PPP6R3: variants seen among roughly 807,000 people sequenced by gnomAD.
The protein encoded by PPP6R3 is protein phosphatase 6 regulatory subunit 3, also known as serine/threonine-protein phosphatase 6 regulatory subunit 3.
A neutral mutation model predicts 110.7 loss-of-function variants in PPP6R3; 38 were observed. The ratio of observed to expected loss-of-function variants is 0.34; its 90% CI spans 0.26 to 0.45. The LOEUF is 0.45. Among genes scored for constraint, PPP6R3 ranks in the 20% least tolerant of loss-of-function variants. PPP6R3 has a pLI of 1.00. For synonymous variants in PPP6R3, 369 were observed against 373.5 expected, an observed-to-expected ratio of 0.99 and a Z score of 0.14; for missense variants, 870 against 1,062.4, an observed-to-expected ratio of 0.82 and a Z score of 2.52.
chr11:68,539,940 C>A (rs2099302313), intron 3 of PPP6R3, among the ~76,000 whole-genome samples: 1 of 152,170 alleles, frequency 6.6e-6, no homozygotes, highest in African/African-American at 2.4e-5. Context: ...CCAGGAACAT[C>A]CAGGCAGGGG....
intron 1 of PPP6R3, among the ~76,000 whole-genome samples, chr11:68,489,265 C>T (rs935637816): frequency 5.9e-5 from 9 of 152,108 alleles, no homozygotes; most frequent in Middle Eastern, 3.4e-3. Flanking sequence ...ATGATCCGCC[C>T]GCCTCGGCCT....
Position 68,493,607 on chromosome 11 carries a change from A to C in PPP6R3, c.-157-25894A>C, listed in dbSNP as rs1194063269. 6.8e-5 allele frequency among the ~76,000 whole-genome samples: 8 copies of C among 117,048 alleles called. No individual in the cohort carries two copies. In the East Asian group the frequency reaches 1.3e-3, roughly 19 times the overall value. The allele number at this position is 117,048 out of a possible 152,430, so 76.8% of individuals were successfully genotyped here. On this transcript the variant is annotated intron_variant, in intron 1 of 23. Transcript: ENST00000393800. ...CCATCATGCTTGGGGTAAAAAAAAA[A>C]AACAAAACCATATATATATATATAT...
chr11:68,462,121 G>A (rs2098712458), intron 1 of PPP6R3, among the ~76,000 whole-genome samples: 1 of 152,208 alleles, frequency 6.6e-6, no homozygotes, highest in South Asian at 2.1e-4. Flanking sequence ...AACAGCTAGA[G>A]CTGTGCCTGG....
Position 68,614,347 on chromosome 11 carries a change from G to T in PPP6R3, c.*1230G>T. 8.6e-7 allele frequency: 1 copy of T among 1,166,178 alleles called. No individual in the cohort carries two copies. Among genetic ancestry groups the T allele is most frequent in the Non-Finnish European group, 1.1e-6 (1 of 941,014 alleles). 72.2% of individuals were successfully genotyped at this position (1,166,178 alleles called of 1,614,324 possible). A position where few individuals can be genotyped will look rare whatever the true frequency, so the allele number is the denominator to read the frequency against. ...TCTCAAACAGCTCAAGCAATATATT[G>T]TATATTGCCATATCGTCTGGTGAAA... On this transcript the variant is annotated 3_prime_UTR_variant, in exon 24 of 24. Transcript: ENST00000393800.
At chr11:68,505,480 ATTGTT>A (rs2099071078) in intron 1 of PPP6R3, among the ~76,000 whole-genome samples, 1 of 152,032 alleles carries the variant, frequency 6.6e-6, no homozygotes, top group Non-Finnish European at 1.5e-5. Context: ...AAATTGAATT[ATTGTT>A]TTTTATTTAT....
At chr11:68,540,300 C>T (rs529924511) in intron 3 of PPP6R3, among the ~76,000 whole-genome samples, 2 of 152,068 alleles carry the variant, frequency 1.3e-5, no homozygotes, top group Admixed American at 6.6e-5. Flanking sequence ...AAAAGCTGGG[C>T]GTCCGGGGGA....
At chr11:68,597,785 C>G (rs1158868843) in intron 19 of PPP6R3, among the ~76,000 whole-genome samples, 1 of 149,280 alleles carries the variant, frequency 6.7e-6, no homozygotes, top group Non-Finnish European at 1.5e-5. Flanking sequence ...TCGAGACCAC[C>G]CTGGCCAACA....
At chr11:68,605,310 C>G (rs1406229864) in intron 22 of PPP6R3, among the ~76,000 whole-genome samples, 1 of 152,134 alleles carries the variant, frequency 6.6e-6, no homozygotes, top group Non-Finnish European at 1.5e-5. Context: ...GAGACCCTGT[C>G]TCAAACAAAA....
chr11:68,589,166 A>G (rs1216041567), intron 16 of PPP6R3, among the ~76,000 whole-genome samples: 1 of 152,016 alleles, frequency 6.6e-6, no homozygotes, highest in East Asian at 1.9e-4. Flanking sequence ...CCAGGATTGC[A>G]CCACTGCACT....
intron 9 of PPP6R3, among the ~76,000 whole-genome samples, chr11:68,566,123 AG>A (rs1313822082): frequency 6.6e-6 from 1 of 152,184 alleles, no homozygotes; most frequent in Non-Finnish European, 1.5e-5. Flanking sequence ...ATCACATTTC[AG>A]GTTTGTGATC....
intron 1 of PPP6R3, among the ~76,000 whole-genome samples, chr11:68,470,199 A>G (rs2098780522): frequency 6.6e-6 from 1 of 152,224 alleles, no homozygotes; most frequent in Admixed American, 6.5e-5. Context: ...GCCATATGGT[A>G]ATACAAACAG....
chr11:68,508,993 A>G (rs1481302820), intron 1 of PPP6R3, among the ~76,000 whole-genome samples: 60 of 152,208 alleles, frequency 3.9e-4, no homozygotes, highest in Admixed American at 3.9e-3. Context: ...AGAATAGTCT[A>G]ATGCTGTCAA....
rs1944735251 is a variant in PPP6R3 at position 68,614,205 on chromosome 11, T to C, written c.*1088T>C. ...CTGTACCTTGTGAGGTTTTCACTCA[T>C]AAATTTAAACCAGTGTATTTTTTTA... On this transcript the variant is annotated 3_prime_UTR_variant, in exon 24 of 24. Coordinates refer to ENST00000393800, the MANE Select transcript of PPP6R3 (RefSeq NM_001164161.2). 3.0e-6 allele frequency: 3 copies of C among 988,402 alleles called. No individual in the cohort carries two copies. Among genetic ancestry groups the C allele is most frequent in the African/African-American group, 3.5e-5 (2 of 57,188 alleles). The allele number at this position is 988,402 out of a possible 1,614,324, so 61.2% of individuals were successfully genotyped here.
chr11:68,574,240 A>G lies in PPP6R3; in HGVS notation c.1459+16A>G. 1.3e-6 allele frequency: 2 copies of G among 1,595,580 alleles called. No individual in the cohort carries two copies. Among genetic ancestry groups the G allele is most frequent in the African/African-American group, 1.3e-5 (1 of 74,630 alleles). ...CTTATCAAAGGTAAGTTATTTGTGA[A>G]ATTTGAATTACATTTTTGTTGGGTT... On this transcript the variant is annotated intron_variant, in intron 13 of 23. Coordinates refer to ENST00000393800, the MANE Select transcript of PPP6R3 (RefSeq NM_001164161.2).
At chr11:68,509,355 G>A in intron 1 of PPP6R3, among the ~76,000 whole-genome samples, 1 of 152,106 alleles carries the variant, frequency 6.6e-6, no homozygotes, top group South Asian at 2.1e-4. Context: ...GTGAGGATAG[G>A]AAACCTTGGA....
chr11:68,537,609 TTAA>T, intron 2 of PPP6R3, 47 bp from the exon 3 acceptor site: 1 of 1,246,960 alleles, frequency 8.0e-7, no homozygotes, highest in East Asian at 2.4e-5. Flanking sequence ...TTATGGAAAA[TTAA>T]TTTGTAAAGT....
intron 1 of PPP6R3, among the ~76,000 whole-genome samples, chr11:68,461,309 T>C (rs970329559): frequency 1.3e-5 from 2 of 151,770 alleles, no homozygotes; most frequent in Non-Finnish European, 2.9e-5. Context: ...GCGAAGACCA[T>C]TGTTGGACTC....
intron 3 of PPP6R3, among the ~76,000 whole-genome samples, chr11:68,542,391 T>TTTGTTTTTTTTTTTG (rs2099322559): frequency 2.1e-5 from 2 of 96,948 alleles, no homozygotes; most frequent in Non-Finnish European, 4.1e-5. Context: ...AAGCTGCTGT[T>TTTGTTTTTTTTTTTG]TTTTTTTTTT....
intron 2 of PPP6R3, among the ~76,000 whole-genome samples, chr11:68,531,309 T>TTATG (rs1162925959): frequency 1.5e-5 from 2 of 134,964 alleles, no homozygotes; most frequent in African/African-American, 5.9e-5. Context: ...AGACTGTGTT[T>TTATG]TATTTATTTA....
Sources: allele counts gnomAD v4.1 joint callset (sites outside exome capture counted in the v4.1 genomes callset), GRCh38; gene constraint gnomAD v4.1.1; transcripts MANE v1.5; gene names NCBI Gene and HGNC (gene_info 2026-07-23, HGNC 2026-07-21).